Variants in CHODL observed in about 807,000 individuals in gnomAD.
The protein encoded by CHODL is transmembrane protein MT75.
Under a neutral mutation model 34.5 loss-of-function variants are expected in CHODL, and 29 were observed. The observed-to-expected ratio is 0.84, with a 90% CI of 0.63 to 1.15. CHODL has a LOEUF of 1.15. CHODL is among the 50% of genes most tolerant of loss of function. The pLI is 0.00. For synonymous variants in CHODL, 125 were observed against 116.1 expected, an observed-to-expected ratio of 1.08 and a Z score of -0.49; for missense variants, 332 against 332.5, an observed-to-expected ratio of 1.00 and a Z score of 0.01.
At chr21:17,939,926 A>G (rs2063349849) in intron 1 of CHODL, among the ~76,000 whole-genome samples, 1 of 152,246 alleles carries the variant, frequency 6.6e-6, no homozygotes, top group Non-Finnish European at 1.5e-5. Flanking sequence ...TGGAGGGTGT[A>G]CATTGATGCA....
chr21:18,174,480 T>A (rs1286640473), intron 2 of CHODL, among the ~76,000 whole-genome samples: 1 of 152,126 alleles, frequency 6.6e-6, no homozygotes, highest in East Asian at 1.9e-4. Context: ...TAAAACACAG[T>A]CACTCTTAGC....
chr21:17,972,353 T>C lies in CHODL; in HGVS notation c.-145+54953T>C, dbSNP rs1476615799. 2.0e-5 allele frequency among the ~76,000 whole-genome samples: 3 copies of C among 152,150 alleles called. No homozygotes were observed. In the East Asian group the frequency reaches 5.8e-4, roughly 29 times the overall value. ...AATAGGAAAAGAGGAAGTCAAATTG[T>C]CTCTCTTTGCAGATGACATGATTGT... On this transcript the variant is annotated intron_variant, in intron 1 of 6. Coordinates refer to the CHODL transcript ENST00000400127.
intron 2 of CHODL, among the ~76,000 whole-genome samples, chr21:18,188,397 T>C (rs2073469457): frequency 6.6e-6 from 1 of 152,228 alleles, no homozygotes; most frequent in African/African-American, 2.4e-5. Flanking sequence ...CATTTCAAAC[T>C]TAACAAGACC....
chr21:18,167,209 C>CTGTGTGTG (rs769948179), intron 2 of CHODL, among the ~76,000 whole-genome samples: 21 of 129,148 alleles, frequency 1.6e-4, no homozygotes, highest in Admixed American at 4.7e-4. Context: ...ATTTCTCTCT[C>CTGTGTGTG]TCTGTGTGTG....
At chr21:18,156,586 C>T (rs958840908) in intron 2 of CHODL, among the ~76,000 whole-genome samples, 1 of 152,128 alleles carries the variant, frequency 6.6e-6, no homozygotes, top group Non-Finnish European at 1.5e-5. Flanking sequence ...AATACGGTAT[C>T]AATGAAGCTC....
intron 1 of CHODL, among the ~76,000 whole-genome samples, chr21:17,990,259 G>C (rs964119905): frequency 6.6e-6 from 1 of 151,962 alleles, no homozygotes. Flanking sequence ...TCTCCTCTGA[G>C]TCTCTGTTTC....
chr21:18,167,181 A>C (rs2073164466), intron 2 of CHODL, among the ~76,000 whole-genome samples: 1 of 150,666 alleles, frequency 6.6e-6, no homozygotes. Flanking sequence ...TAAAATAAAA[A>C]GTTATTTCAC....
rs573999531 is a variant in CHODL at position 18,247,402 on chromosome 21, G to A, written c.79+2100G>A. On this transcript the variant is annotated intron_variant, in intron 1 of 5. Coordinates refer to ENST00000299295, the MANE Select transcript of CHODL (RefSeq NM_024944.3). The stretch of plus-strand genomic sequence containing the variant: ...TAGGATACTCAAATAATCACTGACC[G>A]CAGAAAAATAGACACTCACAAAATA... Among the ~76,000 whole-genome samples, 40 of 152,106 alleles carry A rather than the reference G, an allele frequency of 2.6e-4. 1 individual carries two copies. Among genetic ancestry groups the A allele is most frequent in the South Asian group, 2.3e-3 (11 of 4,824 alleles).
At chr21:18,086,129 C>T (rs2065004934) in intron 2 of CHODL, among the ~76,000 whole-genome samples, 2 of 126,226 alleles carry the variant, frequency 1.6e-5, no homozygotes, top group Non-Finnish European at 3.3e-5. Context: ...CTTCTTCTTG[C>T]TCTGGTCTAT....
At chr21:18,212,211 G>A (rs2073781434) in intron 2 of CHODL, among the ~76,000 whole-genome samples, 2 of 151,918 alleles carry the variant, frequency 1.3e-5, no homozygotes, top group South Asian at 2.1e-4. Flanking sequence ...GAATGTTAAC[G>A]AATAGCATGA....
chr21:17,927,045 T>G (rs961078728), intron 1 of CHODL, among the ~76,000 whole-genome samples: 1 of 151,348 alleles, frequency 6.6e-6, no homozygotes, highest in Non-Finnish European at 1.5e-5. Context: ...TGTATATGTA[T>G]GCATATATGT....
At chr21:18,092,849 A>G (rs1401449372) in intron 2 of CHODL, among the ~76,000 whole-genome samples, 1 of 152,224 alleles carries the variant, frequency 6.6e-6, no homozygotes, top group East Asian at 1.9e-4. Flanking sequence ...AGGTCAAACC[A>G]TAGAGTTCTT....
At chr21:17,974,637 A>G (rs899965047) in intron 1 of CHODL, among the ~76,000 whole-genome samples, 1 of 152,190 alleles carries the variant, frequency 6.6e-6, no homozygotes, top group African/African-American at 2.4e-5. Flanking sequence ...AAAACGAAGT[A>G]AAAGAAAAAA....
chr21:18,134,235 G>A (rs886720255), intron 2 of CHODL: 2 of 469,482 alleles, frequency 4.3e-6, no homozygotes, highest in Non-Finnish European at 8.6e-6. Context: ...TTATCTAGGT[G>A]TGCATATGCC....
At chr21:18,188,380 C>G (rs913864849) in intron 2 of CHODL, among the ~76,000 whole-genome samples, 1 of 152,124 alleles carries the variant, frequency 6.6e-6, no homozygotes, top group African/African-American at 2.4e-5. Context: ...CATGGATGTT[C>G]AATAGGCATT....
intron 2 of CHODL, among the ~76,000 whole-genome samples, chr21:18,065,295 A>G (rs901189090): frequency 1.3e-5 from 2 of 152,198 alleles, no homozygotes; most frequent in African/African-American, 4.8e-5. Flanking sequence ...GATGTAAACC[A>G]TCTTTTTCAT....
At chr21:18,021,955 G>A (rs1006929913) in intron 1 of CHODL, among the ~76,000 whole-genome samples, 3 of 152,142 alleles carry the variant, frequency 2.0e-5, no homozygotes, top group African/African-American at 4.8e-5. Flanking sequence ...TTACTTAGAG[G>A]TGAGGCCTTT....
At chr21:17,961,419 G>C (rs573795932) in intron 1 of CHODL, among the ~76,000 whole-genome samples, 1 of 152,366 alleles carries the variant, frequency 6.6e-6, no homozygotes, top group African/African-American at 2.4e-5. Context: ...TTGCACTGCT[G>C]CTTTCCAAGA....
At chr21:18,210,767 A>C (rs2146722374) in intron 2 of CHODL, among the ~76,000 whole-genome samples, 1 of 152,318 alleles carries the variant, frequency 6.6e-6, no homozygotes. Flanking sequence ...ACTAAACAGA[A>C]GCAAAAGCAA....
Sources: allele counts gnomAD v4.1 joint callset (sites outside exome capture counted in the v4.1 genomes callset), GRCh38; gene constraint gnomAD v4.1.1; transcripts MANE v1.5; gene names NCBI Gene and HGNC (gene_info 2026-07-23, HGNC 2026-07-21).